The following GLMN variants were observed in gnomAD, a reference collection of about 807,000 sequenced individuals.
The protein encoded by GLMN is glomulin, FKBP associated protein.
In GLMN, 75 loss-of-function variants were observed where a neutral mutation model predicts 87.8. That is an observed-to-expected ratio of 0.85 (90% confidence interval 0.71 to 1.04). The LOEUF is 1.04. GLMN is among the 50% of genes least tolerant of loss of function. The pLI, the probability that GLMN is intolerant of heterozygous loss-of-function variation, is 0.00. For synonymous variants in GLMN, 206 were observed against 221.6 expected (o/e 0.93, Z 0.63); for missense variants, 588 against 658.8 (o/e 0.89, Z 1.18).
At chr1:92,251,095 A>G (rs1265633038) in intron 16 of GLMN, among the ~76,000 whole-genome samples, 1 of 152,202 alleles carries the variant, frequency 6.6e-6, no homozygotes, top group Non-Finnish European at 1.5e-5. Flanking sequence ...AAATTGACAA[A>G]ATTCTAAAAT....
chr1:92,349,771 T>C, the GLMN span, among the ~76,000 whole-genome samples: 2 of 151,968 alleles, frequency 1.3e-5, no homozygotes, highest in African/African-American at 4.8e-5. Flanking sequence ...CTACAAAAAA[T>C]AAAAACATTA....
the GLMN span, chr1:92,345,843 C>CAG: frequency 6.5e-7 from 1 of 1,548,306 alleles, no homozygotes; most frequent in Non-Finnish European, 8.9e-7. Flanking sequence ...ATCTATCTTT[C>CAG]AGGTTAACAA....
At chr1:92,263,035 A>ATTATTAATTAT (rs1655220797) in intron 15 of GLMN, 109 bp from the exon 16 acceptor site, 4 of 569,842 alleles carry the variant, frequency 7.0e-6, no homozygotes, top group Non-Finnish European at 1.3e-5. Context: ...TGCCAATAGA[A>ATTATTAATTAT]ACTATTTCCA....
At chr1:92,255,114 T>C (rs1570842433) in intron 16 of GLMN, among the ~76,000 whole-genome samples, 1 of 148,942 alleles carries the variant, frequency 6.7e-6, no homozygotes, top group Admixed American at 6.7e-5. Context: ...GCAGTCCTAG[T>C]GTCTGATAAA....
At chr1:92,278,307 G>A (rs1647543973) in intron 7 of GLMN, among the ~76,000 whole-genome samples, 1 of 152,100 alleles carries the variant, frequency 6.6e-6, no homozygotes, top group African/African-American at 2.4e-5. Flanking sequence ...TCTAGCACTG[G>A]TAACAATGAA....
chr1:92,299,325 G>T (rs1165889842), upstream of GLMN, among the ~76,000 whole-genome samples: 2 of 152,170 alleles, frequency 1.3e-5, no homozygotes, highest in African/African-American at 4.8e-5. Flanking sequence ...TTTCCTGGCC[G>T]CCCCTCACCC....
At chr1:92,299,771 A>G (rs1184391264), upstream of GLMN, among the ~76,000 whole-genome samples, 1 of 152,228 alleles carries the variant, frequency 6.6e-6, no homozygotes, top group Non-Finnish European at 1.5e-5. Context: ...TGGACATAAA[A>G]TATGTGGAAA....
rs546293394 is a variant in GLMN at position 92,296,802 on chromosome 1, C to T, written c.165+602G>A. 2.6e-5 allele frequency among the ~76,000 whole-genome samples: 4 copies of T among 152,272 alleles called. No individual in the cohort carries two copies. The South Asian group carries it at 8.3e-4, about 32-fold the overall frequency. On this transcript the variant is annotated intron_variant, in intron 3 of 18. Coordinates refer to ENST00000370360, the MANE Select transcript of GLMN (RefSeq NM_053274.3). The stretch of plus-strand genomic sequence containing the variant: ...GCTAGTATAATGACATATCGTTTTC[C>T]TCCTGTTCTGATTCTATGCACATAA...
At chr1:92,318,528 C>T in the GLMN span, among the ~76,000 whole-genome samples, 1 of 152,028 alleles carries the variant, frequency 6.6e-6, no homozygotes. Context: ...ACCTTTTCTA[C>T]TCTCAAACTT....
the GLMN span, among the ~76,000 whole-genome samples, chr1:92,342,820 T>C: frequency 2.0e-5 from 3 of 152,112 alleles, no homozygotes; most frequent in East Asian, 3.9e-4. Context: ...TCTGGAAGGA[T>C]AGGGTAAGCC....
the GLMN span, among the ~76,000 whole-genome samples, chr1:92,350,466 T>A: frequency 6.6e-6 from 1 of 152,212 alleles, no homozygotes; most frequent in Non-Finnish European, 1.5e-5. Flanking sequence ...GCATCTTAGT[T>A]GAAGTTTATC....
upstream of GLMN, among the ~76,000 whole-genome samples, chr1:92,300,480 GTGTT>G (rs1650753839): frequency 6.6e-6 from 1 of 152,132 alleles, no homozygotes; most frequent in African/African-American, 2.4e-5. Flanking sequence ...TCTGTAGAAG[GTGTT>G]TGTTTTTCAC....
chr1:92,297,358 T>A, intron 3 of GLMN, 46 bp downstream of exon 3: 1 of 1,605,468 alleles, frequency 6.2e-7, no homozygotes, highest in Non-Finnish European at 8.5e-7. Flanking sequence ...ATCATGTGAT[T>A]ATTCTCTTCC....
upstream of GLMN, among the ~76,000 whole-genome samples, chr1:92,302,081 G>A (rs1650893806): frequency 6.6e-6 from 1 of 152,174 alleles, no homozygotes. Context: ...AGGAGTTCGA[G>A]ACCAGCCTGG....
chr1:92,271,737 C>T, intron 7 of GLMN, 85 bp from the exon 8 acceptor site: 2 of 910,598 alleles, frequency 2.2e-6, no homozygotes, highest in Non-Finnish European at 3.6e-6. Flanking sequence ...ACATTCTCAC[C>T]AAGGGGAGGT....
At chr1:92,324,094 G>A in the GLMN span, 4 of 1,614,130 alleles carry the variant, frequency 2.5e-6, no homozygotes, top group Non-Finnish European at 3.4e-6. Flanking sequence ...CCAGAATTAT[G>A]CTTCTGTGTG....
At chr1:92,329,723 T>G in the GLMN span, among the ~76,000 whole-genome samples, 1 of 152,232 alleles carries the variant, frequency 6.6e-6, no homozygotes, top group Non-Finnish European at 1.5e-5. Context: ...AAACCAACTT[T>G]GCATTCTTAT....
chr1:92,269,819 C>G (rs771690916), intron 8 of GLMN, 43 bp from the exon 9 acceptor site: 25 of 1,202,218 alleles, frequency 2.1e-5, no homozygotes, highest in Middle Eastern at 2.1e-4. Flanking sequence ...TACACACACA[C>G]AGAGATATGT....
chr1:92,312,206 T>C, the GLMN span, among the ~76,000 whole-genome samples: 4 of 152,108 alleles, frequency 2.6e-5, no homozygotes, highest in Non-Finnish European at 5.9e-5. Flanking sequence ...AACAAGACAT[T>C]TGAGACCAGC....
Sources: allele counts gnomAD v4.1 joint callset (sites outside exome capture counted in the v4.1 genomes callset), GRCh38; gene constraint gnomAD v4.1.1; transcripts MANE v1.5; gene names NCBI Gene and HGNC (gene_info 2026-07-23, HGNC 2026-07-21).